TCF4: variants seen among roughly 807,000 people sequenced by gnomAD.
TCF4 encodes the protein transcription factor 4, also known as SL3-3 enhancer factor 2.
TCF4 carries 3 observed loss-of-function variants against 82.1 expected under a neutral mutation model. The observed-to-expected ratio is 0.04, with a 90% CI of 0.02 to 0.09. The LOEUF is 0.09. Ranked by LOEUF, TCF4 falls within the 10% of genes least tolerant of loss-of-function variation. The pLI is 1.00. For synonymous variants in TCF4, 276 were observed against 309.6 expected, an observed-to-expected ratio of 0.89 and a Z score of 1.14; for missense variants, 518 against 852.7, an observed-to-expected ratio of 0.61 and a Z score of 4.89.
chr18:55,472,930 G>A (rs562106053), intron 3 of TCF4, among the ~76,000 whole-genome samples: 43 of 152,240 alleles, frequency 2.8e-4, no homozygotes, highest in Non-Finnish European at 4.4e-4. Context: ...AAAACAAAGT[G>A]TTAAACAACT....
At chr18:55,381,358 G>C (rs2091872442) in intron 6 of TCF4, among the ~76,000 whole-genome samples, 1 of 152,176 alleles carries the variant, frequency 6.6e-6, no homozygotes. Flanking sequence ...TCACAACCAG[G>C]CCAAGGTCTC....
rs147272258 is a variant in TCF4 at position 55,248,689 on chromosome 18, C to T, written c.1350+5808G>A. On this transcript the variant is annotated intron_variant, in intron 15 of 19. Coordinates refer to ENST00000354452, the MANE Select transcript of TCF4 (RefSeq NM_001083962.2). ...TATGGTATTAGGGTAAAGAGGAAGTCGGCTGAGCAGTGTAGGATATAGCAC... is the reference window on the plus strand; with the variant it reads ...TATGGTATTAGGGTAAAGAGGAAGTTGGCTGAGCAGTGTAGGATATAGCAC... 2.0e-3 allele frequency among the ~76,000 whole-genome samples: 301 copies of T among 152,298 alleles called. 1 individual carries two copies. The highest frequency in any genetic ancestry group is 3.9e-3 in the Admixed American group (60 of 15,292).
chr18:55,410,898 G>A (rs1295481979), intron 5 of TCF4, among the ~76,000 whole-genome samples: 3 of 152,114 alleles, frequency 2.0e-5, no homozygotes, highest in African/African-American at 7.2e-5. Context: ...TTTCAGTGCA[G>A]AATAAAAATA....
intron 8 of TCF4, among the ~76,000 whole-genome samples, chr18:55,303,580 A>G (rs2069120332): frequency 1.3e-5 from 2 of 152,186 alleles, no homozygotes; most frequent in African/African-American, 2.4e-5. Context: ...ATTTTGGAGA[A>G]GGTATCATGG....
intron 8 of TCF4, among the ~76,000 whole-genome samples, chr18:55,304,145 T>C (rs1387114844): frequency 6.6e-6 from 1 of 151,804 alleles, no homozygotes; most frequent in African/African-American, 2.4e-5. Context: ...AGCTAGAGGG[T>C]CAGTGTGAAT....
At chr18:55,551,864 C>G (rs1309135382) in intron 3 of TCF4, 2 of 152,060 alleles carry the variant, frequency 1.3e-5, no homozygotes, top group Non-Finnish European at 2.9e-5. Flanking sequence ...GAGAGAAAAA[C>G]AAACTCCTGG....
At chr18:55,304,479 T>C (rs1010433586) in intron 8 of TCF4, among the ~76,000 whole-genome samples, 4 of 152,160 alleles carry the variant, frequency 2.6e-5, no homozygotes, top group African/African-American at 9.7e-5. Context: ...ACAACCACTA[T>C]AGACTGAGGA....
chr18:55,404,171 G>T, intron 5 of TCF4: 2 of 391,606 alleles, frequency 5.1e-6, no homozygotes, highest in Non-Finnish European at 7.4e-6. Flanking sequence ...GAATGTGAAT[G>T]TCTTGTTCCA....
At chr18:55,455,511 A>C (rs1010162702) in intron 5 of TCF4, among the ~76,000 whole-genome samples, 1 of 151,246 alleles carries the variant, frequency 6.6e-6, no homozygotes, top group Non-Finnish European at 1.5e-5. Flanking sequence ...GATAACATCA[A>C]GCTGAAAGGT....
intron 5 of TCF4, among the ~76,000 whole-genome samples, chr18:55,411,836 A>G (rs2919446): frequency 0.51 from 77,499 of 151,968 alleles, 21,908 homozygotes; most frequent in African/African-American, 0.78. Flanking sequence ...CATCTCTTGG[A>G]TTCAAGCAAT....
At chr18:55,341,682 A>T (rs534614113) in intron 8 of TCF4, among the ~76,000 whole-genome samples, 10 of 152,314 alleles carry the variant, frequency 6.6e-5, no homozygotes, top group Admixed American at 5.2e-4. Flanking sequence ...AATACGCATA[A>T]GTAAAGCAGT....
chr18:55,474,069 T>A (rs1359317653), intron 3 of TCF4, among the ~76,000 whole-genome samples: 1 of 152,206 alleles, frequency 6.6e-6, no homozygotes, highest in African/African-American at 2.4e-5. Context: ...ATCAAACACA[T>A]ATAATGAAAA....
intron 8 of TCF4, among the ~76,000 whole-genome samples, chr18:55,300,978 A>G (rs2068077354): frequency 6.6e-6 from 1 of 152,132 alleles, no homozygotes; most frequent in Admixed American, 6.5e-5. Flanking sequence ...ACAGGTGTGA[A>G]GCAGATCACA....
chr18:55,495,122 C>T (rs1304713833), intron 3 of TCF4, among the ~76,000 whole-genome samples: 2 of 151,984 alleles, frequency 1.3e-5, no homozygotes, highest in African/African-American at 4.8e-5. Flanking sequence ...TTAACCAATT[C>T]ACAACCTGTT....
At chr18:55,634,046 G>T (rs763368143) in intron 1 of TCF4, among the ~76,000 whole-genome samples, 4 of 152,072 alleles carry the variant, frequency 2.6e-5, no homozygotes, top group Non-Finnish European at 5.9e-5. Context: ...AGGCGGGCGG[G>T]TCACCTGAGG....
At chr18:55,461,202 C>A (rs2095862538) in intron 4 of TCF4, 87 bp from the exon 5 acceptor site, 1 of 1,132,416 alleles carries the variant, frequency 8.8e-7, no homozygotes, top group Admixed American at 2.0e-5. Context: ...AAACTTCTCC[C>A]CTCCAAAGAA....
intron 3 of TCF4, chr18:55,495,711 G>A (rs1318187687): frequency 1.3e-5 from 2 of 152,024 alleles, no homozygotes; most frequent in Non-Finnish European, 2.9e-5. Context: ...GACAAAAAAG[G>A]ACAACAAATA....
chr18:55,341,170 G>T (rs984298759), intron 8 of TCF4, among the ~76,000 whole-genome samples: 8 of 152,248 alleles, frequency 5.3e-5, no homozygotes, highest in Non-Finnish European at 1.2e-4. Flanking sequence ...TGTCTGAAAC[G>T]CTAGGCAGCA....
chr18:55,501,907 A>T (rs1418137664), intron 3 of TCF4, among the ~76,000 whole-genome samples: 1 of 152,132 alleles, frequency 6.6e-6, no homozygotes, highest in Non-Finnish European at 1.5e-5. Flanking sequence ...CGCCCACCCT[A>T]ATCATACAAA....
Sources: gnomAD v4.1 joint callset for allele counts (sites outside exome capture counted in the v4.1 genomes callset) on GRCh38, gnomAD v4.1.1 for gene constraint, MANE v1.5 for transcripts, NCBI Gene and HGNC (gene_info 2026-07-23, HGNC 2026-07-21) for gene names.